The following MAGI1 variants were observed in gnomAD, a reference collection of about 807,000 sequenced individuals.
The protein encoded by MAGI1 is membrane-associated guanylate kinase, WW and PDZ domain-containing protein 1.
In MAGI1, 58 loss-of-function variants were observed where a neutral mutation model predicts 139.9. That is an observed-to-expected ratio of 0.41 (90% CI 0.34 to 0.52). The LOEUF (loss-of-function observed/expected upper bound fraction) is 0.52, where lower values mean the gene tolerates loss of function less well. Ranked by LOEUF, MAGI1 falls within the 20% of genes least tolerant of loss-of-function variation. The probability of loss-of-function intolerance (pLI) is 0.12; values close to 1 mark genes in which losing one functional copy is unlikely to be tolerated. For missense variants in MAGI1, 1,874 were observed against 1,901.6 expected (o/e 0.99, Z 0.27); for synonymous variants, 812 against 737.9 (o/e 1.10, Z -1.63).
intron 5 of MAGI1, among the ~76,000 whole-genome samples, chr3:65,462,795 G>C (rs112800695): frequency 3.3e-5 from 5 of 152,204 alleles, no homozygotes; most frequent in African/African-American, 7.2e-5. Flanking sequence ...TTATCTCCTT[G>C]AGCAGTGGTG....
At chr3:65,914,612 A>AC (rs2061814554) in intron 1 of MAGI1, among the ~76,000 whole-genome samples, 1 of 152,212 alleles carries the variant, frequency 6.6e-6, no homozygotes, top group Admixed American at 6.5e-5. Context: ...CCCACAGGCT[A>AC]CCAGTTTGAG....
intron 2 of MAGI1, among the ~76,000 whole-genome samples, chr3:65,552,163 G>A (rs2079865807): frequency 1.3e-5 from 2 of 152,304 alleles, no homozygotes; most frequent in African/African-American, 4.8e-5. Flanking sequence ...CAGAAAGCCT[G>A]TAATTAGAAG....
chr3:65,861,461 T>C lies in MAGI1; in HGVS notation c.313+176535A>G, dbSNP rs112520763. 6.7e-3 allele frequency among the ~76,000 whole-genome samples: 1,017 copies of C among 152,256 alleles called. 9 individuals carry two copies. Among genetic ancestry groups the C allele is most frequent in the African/African-American group, 0.023 (950 of 41,540 alleles). Reference sequence around the variant, plus strand: ...ATGGGGAGAAAAGAACTAAACCCCTTATCTGCAGAAAAAGTATTACCCCTC... The same window carrying C: ...ATGGGGAGAAAAGAACTAAACCCCTCATCTGCAGAAAAAGTATTACCCCTC... On this transcript the variant is annotated intron_variant, in intron 1 of 22. Coordinates refer to ENST00000402939, the MANE Select transcript of MAGI1 (RefSeq NM_001033057.2).
intron 1 of MAGI1, among the ~76,000 whole-genome samples, chr3:65,780,254 G>A (rs1208156950): frequency 6.6e-6 from 1 of 152,064 alleles, no homozygotes; most frequent in Non-Finnish European, 1.5e-5. Context: ...AAACTCCCAG[G>A]CTCAAGTGAT....
intron 1 of MAGI1, among the ~76,000 whole-genome samples, chr3:65,661,747 T>G (rs1233001366): frequency 2.3e-5 from 2 of 88,618 alleles, no homozygotes; most frequent in Admixed American, 1.1e-4. Context: ...TTTTTTCTGT[T>G]TTTTTTTTTT....
At chr3:65,405,827 T>C (rs900938869) in intron 12 of MAGI1, among the ~76,000 whole-genome samples, 8 of 134,578 alleles carry the variant, frequency 5.9e-5, no homozygotes, top group African/African-American at 2.1e-4. Flanking sequence ...ACTCCTGACC[T>C]CATGATCCAC....
chr3:65,361,854 G>A (rs946625180), intron 21 of MAGI1, among the ~76,000 whole-genome samples: 1 of 152,200 alleles, frequency 6.6e-6, no homozygotes, highest in Middle Eastern at 3.2e-3. Context: ...ATGAGGGACT[G>A]CCCTATAAGG....
chr3:65,586,147 T>C (rs1041160261), intron 2 of MAGI1, among the ~76,000 whole-genome samples: 1 of 151,670 alleles, frequency 6.6e-6, no homozygotes, highest in African/African-American at 2.4e-5. Flanking sequence ...GAGGTTTAGG[T>C]TGGAGTGAGC....
chr3:65,749,214 G>T (rs951279535), intron 1 of MAGI1, among the ~76,000 whole-genome samples: 6 of 152,172 alleles, frequency 3.9e-5, no homozygotes, highest in African/African-American at 1.2e-4. Flanking sequence ...GTTAAATGAA[G>T]AGAGTGCCCA....
chr3:65,454,548 A>ATAAT (rs1949258586), intron 5 of MAGI1, among the ~76,000 whole-genome samples: 1 of 147,076 alleles, frequency 6.8e-6, no homozygotes, highest in South Asian at 2.1e-4. Flanking sequence ...AATAATAATA[A>ATAAT]TAATAATAAA....
chr3:65,617,716 G>A (rs888270085), intron 2 of MAGI1, among the ~76,000 whole-genome samples: 6 of 152,086 alleles, frequency 3.9e-5, no homozygotes, highest in South Asian at 2.1e-4. Context: ...TTCTGAAAGC[G>A]TTATGGTCAA....
At chr3:65,990,707 T>C (rs976664639) in intron 1 of MAGI1, among the ~76,000 whole-genome samples, 1 of 152,142 alleles carries the variant, frequency 6.6e-6, no homozygotes, top group African/African-American at 2.4e-5. Flanking sequence ...TTCAAATATA[T>C]AGGCCATTGT....
chr3:65,503,297 G>A (rs1222581179), intron 2 of MAGI1, among the ~76,000 whole-genome samples: 1 of 152,124 alleles, frequency 6.6e-6, no homozygotes, highest in Non-Finnish European at 1.5e-5. Flanking sequence ...AGGAATCAGG[G>A]GAAGTTGTTG....
chr3:65,527,961 T>C (rs1399104713), intron 2 of MAGI1, among the ~76,000 whole-genome samples: 2 of 151,812 alleles, frequency 1.3e-5, no homozygotes, highest in African/African-American at 2.4e-5. Flanking sequence ...GAAGTACCAA[T>C]TGGCAATTTT....
intron 2 of MAGI1, among the ~76,000 whole-genome samples, chr3:65,509,805 G>A (rs1295333706): frequency 6.6e-6 from 1 of 152,078 alleles, no homozygotes; most frequent in Non-Finnish European, 1.5e-5. Context: ...GCCCACCACA[G>A]CTCAAGGAGG....
chr3:65,812,833 C>G (rs952921660), intron 1 of MAGI1, among the ~76,000 whole-genome samples: 7 of 149,824 alleles, frequency 4.7e-5, no homozygotes, highest in Non-Finnish European at 1.0e-4. Context: ...GCCTCAGCCT[C>G]CAAGTAGCTG....
At chr3:65,746,956 C>G (rs1242848121) in intron 1 of MAGI1, among the ~76,000 whole-genome samples, 1 of 152,182 alleles carries the variant, frequency 6.6e-6, no homozygotes, top group Admixed American at 6.5e-5. Context: ...GAAGGCCAAA[C>G]AGGGTGATCT....
rs769187520 is a variant in MAGI1, at chr3:65,391,336, C to T, written c.2222G>A (p.Ser741Asn). The T allele has an allele frequency of 6.2e-7, 1 of 1,614,172 alleles. No individual in the cohort carries two copies. The highest frequency in any genetic ancestry group is 2.2e-5 in the East Asian group (1 of 44,882). ...AACACTGTGCTGAGAACTATTCTGG[C>T]TGTCTTTCCTTTCCAGTGGTTGCTG... is the stretch of plus-strand genomic sequence containing the variant. ...PKSQPLERKD[S>N]QNSSQHSVSS... The change falls in exon 14 of 23, where the codon AGC (serine) becomes AAC (asparagine). Residue 741 changes from serine to asparagine, a missense_variant. Ser to Asn is a conservative substitution (Grantham distance 46). Transcript: ENST00000402939.
intron 2 of MAGI1, among the ~76,000 whole-genome samples, chr3:65,584,762 C>T (rs1342236511): frequency 2.0e-5 from 3 of 152,162 alleles, no homozygotes; most frequent in African/African-American, 7.2e-5. Flanking sequence ...GATAGTGCCT[C>T]GCAAAACTAT....
Sources: gnomAD v4.1 joint callset for allele counts (sites outside exome capture counted in the v4.1 genomes callset) on GRCh38, gnomAD v4.1.1 for gene constraint, MANE v1.5 for transcripts, NCBI Gene and HGNC (gene_info 2026-07-23, HGNC 2026-07-21) for gene names.